MTMR14: variants seen among roughly 807,000 people sequenced by gnomAD.
MTMR14 encodes the protein myotubularin related protein 14.
In MTMR14, 48 loss-of-function variants were observed where a neutral mutation model predicts 86.3. That is an observed-to-expected ratio of 0.56 (90% CI 0.44 to 0.71). The LOEUF (loss-of-function observed/expected upper bound fraction) is 0.71, where lower values mean the gene tolerates loss of function less well. Among genes scored for constraint, MTMR14 ranks in the 30% least tolerant of loss-of-function variants. The pLI is 0.00. For synonymous variants in MTMR14, 366 were observed against 326.1 expected (o/e 1.12, Z -1.32); for missense variants, 780 against 834.6 (o/e 0.93, Z 0.81).
intron 2 of MTMR14, 74 bp from the exon 3 acceptor site, chr3:9,662,193 G>C: frequency 9.4e-7 from 1 of 1,064,000 alleles, no homozygotes; most frequent in Non-Finnish European, 1.5e-6. Context: ...ATGGGGGTCT[G>C]TGTGAATAAA....
intron 7 of MTMR14, among the ~76,000 whole-genome samples, chr3:9,673,828 G>A (rs1215151964): frequency 6.9e-6 from 1 of 145,042 alleles, no homozygotes; most frequent in South Asian, 2.1e-4. Context: ...TCCATAACAG[G>A]TGTCCTGTAA....
intron 2 of MTMR14, among the ~76,000 whole-genome samples, chr3:9,655,448 G>T (rs1012305273): frequency 6.8e-6 from 1 of 147,306 alleles, no homozygotes; most frequent in Non-Finnish European, 1.5e-5. Flanking sequence ...TTCTGTGAGA[G>T]CTCCCTTGAT....
chr3:9,685,792 C>T (rs751482118), intron 13 of MTMR14, among the ~76,000 whole-genome samples: 12 of 152,130 alleles, frequency 7.9e-5, no homozygotes, highest in East Asian at 5.8e-4. Flanking sequence ...GCCTTTTCTG[C>T]GCCCCCATCC....
intron 18 of MTMR14, among the ~76,000 whole-genome samples, chr3:9,698,874 A>G (rs981274100): frequency 1.3e-5 from 2 of 152,160 alleles, no homozygotes; most frequent in Non-Finnish European, 2.9e-5. Flanking sequence ...GGCTTAAAAA[A>G]AAAAAAATTG....
chr3:9,653,560 C>T (rs2047430803), intron 1 of MTMR14, 61 bp from the exon 2 acceptor site: 1 of 1,610,956 alleles, frequency 6.2e-7, no homozygotes, highest in African/African-American at 1.3e-5. Context: ...CATGGACCTC[C>T]TAATTCTCAC....
At chr3:9,671,263 C>T (rs900755748) in intron 6 of MTMR14, 93 bp downstream of exon 6, 68 of 1,569,440 alleles carry the variant, frequency 4.3e-5, no homozygotes, top group Middle Eastern at 3.7e-4. Context: ...GCGTGCTGGC[C>T]TTCTTACAAA....
chr3:9,653,308 CA>C (rs1246590535), intron 1 of MTMR14, among the ~76,000 whole-genome samples: 1 of 152,164 alleles, frequency 6.6e-6, no homozygotes, highest in Non-Finnish European at 1.5e-5. Context: ...TAACCTGGAC[CA>C]AGAGTTCTTA....
intron 6 of MTMR14, 65 bp from the exon 7 acceptor site, chr3:9,672,620 T>TG (rs1042163490): frequency 1.0e-5 from 14 of 1,356,944 alleles, no homozygotes; most frequent in Non-Finnish European, 1.5e-5. Flanking sequence ...AACCCTTATT[T>TG]GGGGAATGGT....
At chr3:9,664,810 A>G (rs1272856661) in intron 3 of MTMR14, among the ~76,000 whole-genome samples, 1 of 152,208 alleles carries the variant, frequency 6.6e-6, no homozygotes, top group Non-Finnish European at 1.5e-5. Flanking sequence ...GTGCAAAAAT[A>G]TAGTTAGAAT....
intron 1 of MTMR14, among the ~76,000 whole-genome samples, chr3:9,652,972 C>T (rs1280244357): frequency 1.3e-5 from 2 of 152,102 alleles, no homozygotes; most frequent in Non-Finnish European, 2.9e-5. Flanking sequence ...TGCCGTGGCT[C>T]ACGCCTGTAA....
chr3:9,672,641 G>T, intron 6 of MTMR14, 44 bp from the exon 7 acceptor site: 1 of 1,485,590 alleles, frequency 6.7e-7, no homozygotes, highest in Non-Finnish European at 9.4e-7. Flanking sequence ...GTGTGTTTGT[G>T]TGTGTGTTGC....
rs2076094576 is a variant in MTMR14 at position 9,690,162 on chromosome 3, C to A, written c.1613+19C>A. 6.2e-7 allele frequency: 1 copy of A among 1,613,140 alleles called. No individual in the cohort carries two copies. The highest frequency in any genetic ancestry group is 8.5e-7 in the Non-Finnish European group (1 of 1,179,890). On this transcript the variant is annotated intron_variant, in intron 17 of 18. Transcript: ENST00000296003. ...AACCCAGGTGAGGAGCTCCAAAGCC[C>A]TTGCTGTTGGAAGTGCCTAGCTTTC...
intron 13 of MTMR14, among the ~76,000 whole-genome samples, chr3:9,687,137 C>T (rs983387197): frequency 4.6e-5 from 7 of 152,202 alleles, no homozygotes; most frequent in Admixed American, 1.3e-4. Context: ...TCATCTCTCC[C>T]GCAGCTATCC....
At chr3:9,661,804 GA>G (rs898984011) in intron 2 of MTMR14, among the ~76,000 whole-genome samples, 2 of 149,322 alleles carry the variant, frequency 1.3e-5, no homozygotes, top group African/African-American at 4.9e-5. Flanking sequence ...TTTTTTTCCT[GA>G]AAAACTTAAT....
chr3:9,650,162 A>G (rs1029320405), intron 1 of MTMR14, among the ~76,000 whole-genome samples: 1 of 152,314 alleles, frequency 6.6e-6, no homozygotes, highest in East Asian at 1.9e-4. Context: ...GAATGGAGCC[A>G]GGAGGTGAAC....
intron 12 of MTMR14, 51 bp downstream of exon 12, chr3:9,685,015 T>A: frequency 6.4e-7 from 1 of 1,564,508 alleles, no homozygotes. Context: ...AGTTTCTATA[T>A]GTGAGTTGTG....
At chr3:9,655,596 G>T (rs866912810) in intron 2 of MTMR14, among the ~76,000 whole-genome samples, 1 of 149,488 alleles carries the variant, frequency 6.7e-6, no homozygotes, top group South Asian at 2.2e-4. Flanking sequence ...GAGTAGCTGG[G>T]ATTACAGGCG....
chr3:9,653,524 A>G, intron 1 of MTMR14, 97 bp from the exon 2 acceptor site: 2 of 1,482,026 alleles, frequency 1.3e-6, no homozygotes, highest in Non-Finnish European at 1.9e-6. Flanking sequence ...ACCCAGGTAC[A>G]TGTCTTTCCC....
intron 5 of MTMR14, among the ~76,000 whole-genome samples, chr3:9,670,822 C>A (rs185884345): frequency 6.6e-6 from 1 of 152,332 alleles, no homozygotes; most frequent in African/African-American, 2.4e-5. Flanking sequence ...CTGCAAATTT[C>A]TCTTCTTTGA....
Sources: gnomAD v4.1 joint callset for allele counts (sites outside exome capture counted in the v4.1 genomes callset) on GRCh38, gnomAD v4.1.1 for gene constraint, MANE v1.5 for transcripts, NCBI Gene and HGNC (gene_info 2026-07-23, HGNC 2026-07-21) for gene names.